NRN1: variants seen among roughly 807,000 people sequenced by gnomAD.
The protein encoded by NRN1 is neuritin.
In NRN1, 4 loss-of-function variants were observed where a neutral mutation model predicts 15.0. The ratio of observed to expected loss-of-function variants is 0.27; its 90% CI spans 0.13 to 0.61. The LOEUF (loss-of-function observed/expected upper bound fraction) is 0.61, where lower values mean the gene tolerates loss of function less well. Among genes scored for constraint, NRN1 ranks in the 20% least tolerant of loss-of-function variants. The probability of loss-of-function intolerance (pLI) is 0.87; values close to 1 mark genes in which losing one functional copy is unlikely to be tolerated. For synonymous variants in NRN1, 85 were observed against 79.8 expected (o/e 1.07, Z -0.35); for missense variants, 134 against 181.9 (o/e 0.74, Z 1.51).
At chr6:6,000,754 C>CTTTTTTT (rs1561902807) in intron 2 of NRN1, among the ~76,000 whole-genome samples, 11 of 83,724 alleles carry the variant, frequency 1.3e-4, no homozygotes, top group African/African-American at 3.6e-4. Flanking sequence ...TTTTTATGTA[C>CTTTTTTT]GCCCAGATGA....
chr6:6,002,229 A>G, intron 2 of NRN1, 124 bp downstream of exon 2: 1 of 1,279,560 alleles, frequency 7.8e-7, no homozygotes, highest in Non-Finnish European at 1.1e-6. Context: ...GCCAGAAGGC[A>G]AGAGTGAGCC....
intron 1 of NRN1, chr6:6,003,333 C>A: frequency 1.0e-6 from 1 of 996,276 alleles, no homozygotes; most frequent in Non-Finnish European, 1.3e-6. Flanking sequence ...TGGGTCACCT[C>A]CGCAAAGGCC....
chr6:6,006,947 GAGA>G, upstream of NRN1: 1 of 192,658 alleles, frequency 5.2e-6, no homozygotes. Context: ...GAAAGAGAGA[GAGA>G]GAGAGAGGCT....
At chr6:6,002,543 C>A in intron 1 of NRN1, 46 bp from the exon 2 acceptor site, 1 of 1,588,230 alleles carries the variant, frequency 6.3e-7, no homozygotes, top group South Asian at 1.1e-5. Flanking sequence ...CGACCCCGCC[C>A]TGCCGCCCAC....
At chr6:5,999,529 C>G (rs189070562) in intron 2 of NRN1, among the ~76,000 whole-genome samples, 1 of 152,270 alleles carries the variant, frequency 6.6e-6, no homozygotes, top group African/African-American at 2.4e-5. Context: ...CCTCGGCCTC[C>G]GCAAACAGAT....
chr6:6,004,118 G>T, intron 1 of NRN1: 1 of 907,780 alleles, frequency 1.1e-6, no homozygotes, highest in East Asian at 8.2e-5. Flanking sequence ...TTTTAATCCG[G>T]AACGGGAAGC....
At chr6:5,999,894 C>G (rs1757891223) in intron 2 of NRN1, among the ~76,000 whole-genome samples, 1 of 152,200 alleles carries the variant, frequency 6.6e-6, no homozygotes, top group South Asian at 2.1e-4. Context: ...CTCCACAGTT[C>G]CCGGCTCAGA....
chr6:6,003,780 C>G (rs1040683604), intron 1 of NRN1: 77 of 1,233,982 alleles, frequency 6.2e-5, no homozygotes, highest in Admixed American at 2.1e-4. Flanking sequence ...GAGTGCCTAG[C>G]GGCCCAAAGC....
In NRN1 at chr6:5,999,036, C is replaced by G. The variant is rs111660749; in HGVS notation, c.369G>C (p.Pro123=). 163 of 1,613,766 alleles carry G rather than the reference C, an allele frequency of 1.0e-4. No individual in the cohort carries two copies. In the African/African-American group the frequency reaches 1.4e-3, roughly 14 times the overall value. Residue 123 remains proline (P), a synonymous_variant, in exon 3 of 3, where the codon CCG becomes CCC. Coordinates refer to ENST00000244766, the MANE Select transcript of NRN1 (RefSeq NM_016588.3). ...SGNGAAGSLL[P]AFPVLLVSLS... ...GAGACACCAGGAGCACCGGGAACGC[C>G]GGGAGCAGGGACCCCGCCGCCCCGT...
chr6:6,001,980 A>G (rs963549186), intron 2 of NRN1, among the ~76,000 whole-genome samples: 1 of 152,256 alleles, frequency 6.6e-6, no homozygotes, highest in Admixed American at 6.5e-5. Flanking sequence ...AATGATCAAG[A>G]TTGCTACAAG....
chr6:6,002,012 A>G (rs1457992449), intron 2 of NRN1, among the ~76,000 whole-genome samples: 3 of 152,236 alleles, frequency 2.0e-5, no homozygotes, highest in African/African-American at 7.2e-5. Context: ...TTGCAGCACC[A>G]AGATTTTGTA....
upstream of NRN1, among the ~76,000 whole-genome samples, chr6:6,007,315 C>T (rs990815664): frequency 6.6e-6 from 1 of 151,958 alleles, no homozygotes; most frequent in East Asian, 2.0e-4. Context: ...AGTCCTGGCG[C>T]GCCCACTCGA....
intron 1 of NRN1, 132 bp downstream of exon 1, chr6:6,006,563 C>T: frequency 1.3e-6 from 1 of 778,030 alleles, no homozygotes; most frequent in South Asian, 1.5e-5. Context: ...AACTGATGCC[C>T]CCACCCTCGG....
chr6:6,001,092 CATGAT>C (rs1757932709), intron 2 of NRN1, among the ~76,000 whole-genome samples: 1 of 152,202 alleles, frequency 6.6e-6, no homozygotes, highest in Admixed American at 6.5e-5. Flanking sequence ...TTGTCCCTTT[CATGAT>C]AGGAAAGCAC....
intron 1 of NRN1, chr6:6,002,738 G>A (rs1175308543): frequency 3.5e-6 from 2 of 569,778 alleles, no homozygotes; most frequent in African/African-American, 3.8e-5. Context: ...TGGGTGGGTG[G>A]GAGGTAGGTG....
chr6:6,004,394 T>G (rs1758052354), intron 1 of NRN1, among the ~76,000 whole-genome samples: 1 of 151,984 alleles, frequency 6.6e-6, no homozygotes, highest in Non-Finnish European at 1.5e-5. Flanking sequence ...TAAAATAAAG[T>G]CCAATCTCCC....
intron 1 of NRN1, among the ~76,000 whole-genome samples, chr6:6,004,695 G>A (rs545825529): frequency 3.3e-5 from 5 of 152,314 alleles, no homozygotes; most frequent in African/African-American, 1.2e-4. Flanking sequence ...GATTTTGCAG[G>A]CGCACGCGTC....
At chr6:6,007,235 G>C (rs939160739), upstream of NRN1, among the ~76,000 whole-genome samples, 2 of 151,876 alleles carry the variant, frequency 1.3e-5, no homozygotes, top group Non-Finnish European at 2.9e-5. Flanking sequence ...TCGTTCCGGG[G>C]GCCCCCCAGC....
In NRN1 at chr6:5,998,099, CTCTTT is replaced by C. The variant is rs1246902844; in HGVS notation, c.*872_*876del. The C allele has an allele frequency of 4.3e-5, 5 of 117,388 alleles. No homozygotes were observed. Among genetic ancestry groups the C allele is most frequent in the Admixed American group, 7.7e-5 (1 of 13,068 alleles). The allele number at this position is 117,388 out of a possible 1,614,324, so 7.3% of individuals were successfully genotyped here. A position where few individuals can be genotyped will look rare whatever the true frequency, so the allele number is the denominator to read the frequency against. ...TAAACTTTTTAAATTACATCTCTCT[CTCTTT>C]TTTTTTTAAAATCAAGGCTCTTTTA... On this transcript the variant is annotated 3_prime_UTR_variant, in exon 3 of 3. Coordinates refer to ENST00000244766, the MANE Select transcript of NRN1 (RefSeq NM_016588.3).
Sources: gnomAD v4.1 joint callset for allele counts (sites outside exome capture counted in the v4.1 genomes callset) on GRCh38, gnomAD v4.1.1 for gene constraint, MANE v1.5 for transcripts, NCBI Gene and HGNC (gene_info 2026-07-23, HGNC 2026-07-21) for gene names.